LAMA2: variants seen among roughly 807,000 people sequenced by gnomAD.
LAMA2 encodes laminin subunit alpha-2.
A neutral mutation model predicts 364.8 loss-of-function variants in LAMA2; 269 were observed. The ratio of observed to expected loss-of-function variants is 0.74; its 90% CI spans 0.67 to 0.82. The LOEUF is 0.82. Among genes scored for constraint, LAMA2 ranks in the 40% least tolerant of loss-of-function variants. The pLI is 0.00. For missense variants in LAMA2, 3,807 were observed against 3,873.2 expected, an observed-to-expected ratio of 0.98 and a Z score of 0.45; for synonymous variants, 1,379 against 1,370.6, an observed-to-expected ratio of 1.01 and a Z score of -0.14.
In LAMA2 at chr6:129,059,906, C is replaced by A; in HGVS notation, c.396+10C>A. 7.0e-7 allele frequency: 1 copy of A among 1,436,860 alleles called. No homozygotes were observed. The highest frequency in any genetic ancestry group is 1.1e-5 in the South Asian group (1 of 87,698). 89.0% of individuals were successfully genotyped at this position (1,436,860 alleles called of 1,614,324 possible). ...CCTGGATTTACAGCAGGTATAGTTCCTCTTTTTTTGTCATTTCCACTTTTG... is the reference window on the plus strand; with the variant it reads ...CCTGGATTTACAGCAGGTATAGTTCATCTTTTTTTGTCATTTCCACTTTTG... On this transcript the variant is annotated intron_variant, in intron 3 of 64. Transcript: ENST00000421865.
At chr6:129,289,061 C>T (rs958017752) in intron 19 of LAMA2, among the ~76,000 whole-genome samples, 2 of 152,310 alleles carry the variant, frequency 1.3e-5, no homozygotes, top group African/African-American at 4.8e-5. Context: ...GTGTCTCTCT[C>T]ATCACAGGTT....
chr6:129,188,632 T>C (rs1338426666), intron 10 of LAMA2, among the ~76,000 whole-genome samples: 25 of 152,072 alleles, frequency 1.6e-4, no homozygotes. Context: ...TGATTAGTTT[T>C]GCTGATATCT....
chr6:129,383,092 A>C, intron 34 of LAMA2, 30 bp from the exon 35 acceptor site: 1 of 1,560,346 alleles, frequency 6.4e-7, no homozygotes, highest in South Asian at 1.1e-5. Context: ...ATCTCTATTA[A>C]TTATGTGTTT....
chr6:129,425,387 A>C (rs1056047484), intron 40 of LAMA2, among the ~76,000 whole-genome samples: 3 of 151,664 alleles, frequency 2.0e-5, no homozygotes, highest in African/African-American at 4.8e-5. Flanking sequence ...CTCTCTTACC[A>C]ATTCCATTTA....
intron 1 of LAMA2, among the ~76,000 whole-genome samples, chr6:128,975,544 G>C (rs1782477256): frequency 6.6e-6 from 1 of 152,168 alleles, no homozygotes; most frequent in African/African-American, 2.4e-5. Context: ...AATATAGTTT[G>C]GCTGTGTCTC....
At chr6:129,013,098 G>T (rs1343455262) in intron 1 of LAMA2, among the ~76,000 whole-genome samples, 2 of 152,176 alleles carry the variant, frequency 1.3e-5, no homozygotes, top group African/African-American at 4.8e-5. Flanking sequence ...GGTTTTATTT[G>T]AAGCAGTCTT....
intron 34 of LAMA2, among the ~76,000 whole-genome samples, chr6:129,379,406 T>C (rs1778555158): frequency 6.6e-6 from 1 of 151,704 alleles, no homozygotes; most frequent in Non-Finnish European, 1.5e-5. Context: ...ATATAAAAAA[T>C]ACAAGTAATT....
intron 17 of LAMA2, among the ~76,000 whole-genome samples, chr6:129,276,807 C>A (rs145080119): frequency 2.2e-4 from 34 of 151,878 alleles, no homozygotes; most frequent in Admixed American, 5.9e-4. Flanking sequence ...TTCTCTTTAA[C>A]CTTGCTTTAT....
At chr6:129,140,459 C>G (rs1318373441) in intron 4 of LAMA2, among the ~76,000 whole-genome samples, 1 of 152,012 alleles carries the variant, frequency 6.6e-6, no homozygotes, top group Non-Finnish European at 1.5e-5. Flanking sequence ...GAATGAATTC[C>G]TGTGACAGCA....
chr6:128,915,974 TA>T (rs1308452262), intron 1 of LAMA2, among the ~76,000 whole-genome samples: 1 of 152,204 alleles, frequency 6.6e-6, no homozygotes, highest in East Asian at 1.9e-4. Flanking sequence ...GTCACTATTT[TA>T]AAAGGAATTT....
chr6:129,128,955 T>C (rs1777285255), intron 4 of LAMA2, among the ~76,000 whole-genome samples: 1 of 151,340 alleles, frequency 6.6e-6, no homozygotes, highest in Admixed American at 6.6e-5. Flanking sequence ...GCTGCCAGTT[T>C]CTTTCTTAAA....
At chr6:129,098,146 GTTA>G (rs1775295492) in intron 3 of LAMA2, 24 bp from the exon 4 acceptor site, 4 of 1,612,228 alleles carry the variant, frequency 2.5e-6, no homozygotes, top group Non-Finnish European at 3.4e-6. Flanking sequence ...GGAATTCAAT[GTTA>G]TTGTTGTTGT....
At chr6:129,500,558 A>G (rs748927989) in intron 58 of LAMA2, among the ~76,000 whole-genome samples, 17 of 152,220 alleles carry the variant, frequency 1.1e-4, no homozygotes, top group Non-Finnish European at 1.8e-4. Flanking sequence ...CTAAATTTCA[A>G]GTGGATGTAA....
intron 42 of LAMA2, among the ~76,000 whole-genome samples, chr6:129,440,585 C>T (rs765899690): frequency 3.3e-5 from 5 of 152,048 alleles, no homozygotes; most frequent in Non-Finnish European, 7.4e-5. Context: ...AGAATAGTCA[C>T]GTCACTACTT....
intron 60 of LAMA2, among the ~76,000 whole-genome samples, chr6:129,503,911 G>A (rs879515415): frequency 6.6e-6 from 1 of 152,132 alleles, no homozygotes; most frequent in Non-Finnish European, 1.5e-5. Flanking sequence ...ACTATTATGG[G>A]CACAGAAGGC....
chr6:129,104,426 A>C (rs908829015), intron 4 of LAMA2, among the ~76,000 whole-genome samples: 1 of 152,336 alleles, frequency 6.6e-6, no homozygotes, highest in Middle Eastern at 3.4e-3. Context: ...AATAGGAAAT[A>C]GTTTTCTTGT....
chr6:129,167,793 G>A (rs896154624), intron 9 of LAMA2, among the ~76,000 whole-genome samples: 3 of 151,748 alleles, frequency 2.0e-5, no homozygotes, highest in African/African-American at 7.3e-5. Context: ...GTGTAAAAGT[G>A]TTCCTATTTC....
In LAMA2 at chr6:129,252,266, A is replaced by T. The variant is rs907425381; in HGVS notation, c.2067A>T (p.Thr689=). The change falls in exon 14 of 65, where the codon ACA becomes ACT. Residue 689 remains threonine (T), a synonymous_variant. Transcript: ENST00000421865. The stretch of plus-strand genomic sequence containing the variant: ...TGAAGAGAGTCCTCCTACAAATCAC[A>T]TACAGCTTTGGGATGGATGCCATCT... ...ANLKRVLLQI[T]YSFGMDAIFR... 1 of 1,613,790 alleles carries T rather than the reference A, an allele frequency of 6.2e-7. No individual in the cohort carries two copies. The highest frequency in any genetic ancestry group is 8.5e-7 in the Non-Finnish European group (1 of 1,179,838).
chr6:129,512,300 A>G (rs1786651432), intron 62 of LAMA2, 63 bp from the exon 63 acceptor site: 2 of 1,464,660 alleles, frequency 1.4e-6, no homozygotes, highest in Non-Finnish European at 1.9e-6. Context: ...CATGCATTGT[A>G]CACGTTTGAA....
Sources: gnomAD v4.1 joint callset for allele counts (sites outside exome capture counted in the v4.1 genomes callset) on GRCh38, gnomAD v4.1.1 for gene constraint, MANE v1.5 for transcripts, NCBI Gene and HGNC (gene_info 2026-07-23, HGNC 2026-07-21) for gene names.